PTK2: variants seen among roughly 807,000 people sequenced by gnomAD.
The protein encoded by PTK2 is protein tyrosine kinase 2.
A neutral mutation model predicts 150.1 loss-of-function variants in PTK2; 45 were observed. The observed-to-expected ratio is 0.30, with a 90% CI of 0.24 to 0.38. PTK2 has a LOEUF of 0.38. Ranked by LOEUF, PTK2 falls within the 10% of genes least tolerant of loss-of-function variation. The pLI, the probability that PTK2 is intolerant of heterozygous loss-of-function variation, is 1.00. For synonymous variants in PTK2, 432 were observed against 449.2 expected (o/e 0.96, Z 0.48); for missense variants, 919 against 1,307.3 (o/e 0.70, Z 4.58).
At chr8:140,908,757 C>T (rs536024853) in intron 2 of PTK2, among the ~76,000 whole-genome samples, 29 of 152,276 alleles carry the variant, frequency 1.9e-4, no homozygotes, top group African/African-American at 6.7e-4. Flanking sequence ...CCAAATCGAG[C>T]CCTTTGCTAA....
chr8:140,700,128 T>C (rs774623295), intron 26 of PTK2, among the ~76,000 whole-genome samples: 1 of 152,218 alleles, frequency 6.6e-6, no homozygotes, highest in African/African-American at 2.4e-5. Context: ...TAATGTATAA[T>C]GTTCAGCATA....
intron 13 of PTK2, among the ~76,000 whole-genome samples, chr8:140,790,528 G>A (rs2100087824): frequency 6.6e-6 from 1 of 152,162 alleles, no homozygotes; most frequent in African/African-American, 2.4e-5. Context: ...GGTCAGGTGT[G>A]GAAGTTTCCA....
intron 1 of PTK2, among the ~76,000 whole-genome samples, chr8:140,966,697 T>C (rs1304065568): frequency 6.6e-6 from 1 of 152,246 alleles, no homozygotes; most frequent in African/African-American, 2.4e-5. Flanking sequence ...AAAGTTGGCT[T>C]ATTATACAAT....
intron 22 of PTK2, chr8:140,718,144 T>C (rs532069505): frequency 1.8e-4 from 29 of 161,904 alleles, no homozygotes; most frequent in African/African-American, 6.9e-4. Flanking sequence ...CAATTAGCAA[T>C]CTGGCCAATA....
intron 7 of PTK2, 110 bp downstream of exon 7, chr8:140,846,150 A>G: frequency 2.5e-6 from 2 of 795,128 alleles, no homozygotes; most frequent in South Asian, 4.3e-5. Context: ...CCTCTTCTGG[A>G]TATAAAATTT....
intron 17 of PTK2, chr8:140,747,159 G>C: frequency 4.1e-6 from 1 of 242,376 alleles, no homozygotes; most frequent in Non-Finnish European, 8.0e-6. Context: ...CAAAGTGCTG[G>C]GATTACAGGC....
chr8:140,691,997 TAAAC>T (rs1482782846), intron 26 of PTK2, among the ~76,000 whole-genome samples: 3 of 152,206 alleles, frequency 2.0e-5, no homozygotes, highest in Non-Finnish European at 4.4e-5. Flanking sequence ...CTGTTTTACT[TAAAC>T]AAAAAATGCA....
At chr8:140,895,304 G>T (rs183193840) in intron 2 of PTK2, among the ~76,000 whole-genome samples, 1 of 152,226 alleles carries the variant, frequency 6.6e-6, no homozygotes, top group East Asian at 1.9e-4. Context: ...GAGATGGGAG[G>T]ACAGCTTGAG....
At chr8:140,731,614 G>A (rs1238219882) in intron 22 of PTK2, among the ~76,000 whole-genome samples, 1 of 152,090 alleles carries the variant, frequency 6.6e-6, no homozygotes, top group Admixed American at 6.5e-5. Context: ...AATATACAAG[G>A]CTGGGCATGG....
chr8:140,658,889 A>C (rs527493459), exon 32 of PTK2: 1 of 226,388 alleles, frequency 4.4e-6, no homozygotes, highest in African/African-American at 2.2e-5. Flanking sequence ...TAAGACAAAA[A>C]GGGCTGTAGT....
At chr8:140,992,824 A>G (rs1325059385) in intron 1 of PTK2, among the ~76,000 whole-genome samples, 1 of 152,262 alleles carries the variant, frequency 6.6e-6, no homozygotes, top group African/African-American at 2.4e-5. Context: ...ACAGCAGCAC[A>G]GCAGCAAAAG....
At chr8:140,874,696 A>G (rs2100144544) in intron 4 of PTK2, among the ~76,000 whole-genome samples, 2 of 152,206 alleles carry the variant, frequency 1.3e-5, no homozygotes, top group Non-Finnish European at 2.9e-5. Context: ...TAAGACTATC[A>G]TAATAGAAAT....
chr8:140,981,459 A>G (rs1333366776), intron 1 of PTK2, among the ~76,000 whole-genome samples: 2 of 152,170 alleles, frequency 1.3e-5, no homozygotes, highest in East Asian at 3.9e-4. Flanking sequence ...TTTCAAGGGC[A>G]TGGGAAAATC....
intron 4 of PTK2, chr8:140,879,133 T>TTA (rs374730452): frequency 1.2e-3 from 187 of 162,584 alleles, no homozygotes; most frequent in Non-Finnish European, 1.4e-3. Context: ...GATGAAAACA[T>TTA]TATATATATA....
chr8:140,998,741 C>A (rs1371355092), intron 1 of PTK2, among the ~76,000 whole-genome samples: 1 of 151,698 alleles, frequency 6.6e-6, no homozygotes, highest in Non-Finnish European at 1.5e-5. Context: ...ATGGCATGAA[C>A]CCGGGCAGTG....
chr8:140,845,054 GCCACT>G (rs1414720268), intron 7 of PTK2, among the ~76,000 whole-genome samples: 1 of 152,064 alleles, frequency 6.6e-6, no homozygotes, highest in Non-Finnish European at 1.5e-5. Flanking sequence ...TGTCTCCATG[GCCACT>G]GCTTCCTTCT....
chr8:140,758,323 G>A lies in PTK2; in HGVS notation c.1332+2842C>T, dbSNP rs114017458. Among the ~76,000 whole-genome samples, 607 of 152,238 alleles carry A rather than the reference G, an allele frequency of 4.0e-3. 3 individuals are homozygous for A. Among genetic ancestry groups the A allele is most frequent in the African/African-American group, 0.014 (577 of 41,544 alleles). On this transcript the variant is annotated intron_variant, in intron 16 of 31. Coordinates refer to ENST00000522684, the Ensembl canonical transcript of PTK2. ...AGGCTGGTATTGAACTCCTGGGTTCGAGTGATCTTCCTGCCTCAGTCTCCA... is the reference window on the plus strand; with the variant it reads ...AGGCTGGTATTGAACTCCTGGGTTCAAGTGATCTTCCTGCCTCAGTCTCCA...
Position 140,834,626 on chromosome 8 carries a change from G to A in PTK2, c.594-4100C>T, listed in dbSNP as rs74800355. 3.0e-3 allele frequency among the ~76,000 whole-genome samples: 461 copies of A among 152,204 alleles called. 3 individuals are homozygous for A. The highest frequency in any genetic ancestry group is 0.011 in the African/African-American group (439 of 41,522). Reference sequence around the variant, plus strand: ...ATACTAGGCACTATAACAGATCATGGGATAGAAAAATCGCTAATATGTTTC... The same window carrying A: ...ATACTAGGCACTATAACAGATCATGAGATAGAAAAATCGCTAATATGTTTC... On this transcript the variant is annotated intron_variant, in intron 7 of 31. Coordinates refer to ENST00000522684, the Ensembl canonical transcript of PTK2.
intron 3 of PTK2, among the ~76,000 whole-genome samples, chr8:140,886,064 A>G (rs887603307): frequency 1.7e-4 from 26 of 152,194 alleles, no homozygotes; most frequent in East Asian, 5.8e-4. Flanking sequence ...GTAGCAGTGG[A>G]GGCAATATGA....
Sources: allele counts gnomAD v4.1 joint callset (sites outside exome capture counted in the v4.1 genomes callset), GRCh38; gene constraint gnomAD v4.1.1; transcripts MANE v1.5; gene names NCBI Gene and HGNC (gene_info 2026-07-23, HGNC 2026-07-21).